The following CEP112 variants were observed in gnomAD, a reference collection of about 807,000 sequenced individuals.
The protein encoded by CEP112 is centrosomal protein 112.
In CEP112, 127 loss-of-function variants were observed where a neutral mutation model predicts 153.0. The ratio of observed to expected loss-of-function variants is 0.83; its 90% CI spans 0.72 to 0.96. The LOEUF (loss-of-function observed/expected upper bound fraction) is 0.96. Among genes scored for constraint, CEP112 ranks in the 40% least tolerant of loss-of-function variants. The probability of loss-of-function intolerance (pLI) is 0.00; values close to 1 mark genes in which losing one functional copy is unlikely to be tolerated. For synonymous variants in CEP112, 358 were observed against 374.4 expected (o/e 0.96, Z 0.51); for missense variants, 1,089 against 1,101.2 (o/e 0.99, Z 0.16).
At position 65,741,122 on chromosome 17, in the gene CEP112, T is replaced by C. The variant is rs189655183; in HGVS notation, c.2607+1946A>G. Among the ~76,000 whole-genome samples, 6 of 152,234 alleles carry C rather than the reference T, an allele frequency of 3.9e-5. No individual in the cohort carries two copies. In the South Asian group the frequency reaches 6.2e-4, roughly 16 times the overall value. ...CTCATAGTCACAGTTTCCCCATTTG[T>C]AATATGGGGATGACAGAAATACCTT... On this transcript the variant is annotated intron_variant, in intron 23 of 26. Coordinates refer to ENST00000535342, the MANE Select transcript of CEP112 (RefSeq NM_001199165.4).
intron 24 of CEP112, among the ~76,000 whole-genome samples, chr17:65,670,661 A>T (rs975611847): frequency 6.6e-6 from 1 of 152,198 alleles, no homozygotes; most frequent in African/African-American, 2.4e-5. Flanking sequence ...TTACATATTA[A>T]TTTTCACATA....
At chr17:66,031,689 T>A in intron 12 of CEP112, among the ~76,000 whole-genome samples, 1 of 151,988 alleles carries the variant, frequency 6.6e-6, no homozygotes, top group Admixed American at 6.6e-5. Context: ...TTCAAACCCC[T>A]GGCCTCATGC....
intron 17 of CEP112, among the ~76,000 whole-genome samples, chr17:65,964,176 A>G (rs1422951037): frequency 6.6e-6 from 1 of 152,206 alleles, no homozygotes; most frequent in Admixed American, 6.5e-5. Flanking sequence ...GTTGTTCACC[A>G]TGTTTCTTAC....
intron 4 of CEP112, among the ~76,000 whole-genome samples, chr17:66,135,226 A>G (rs1415778325): frequency 6.6e-6 from 1 of 152,226 alleles, no homozygotes; most frequent in Non-Finnish European, 1.5e-5. Context: ...ATTTGAGCCA[A>G]CTGAAGGAGA....
intron 24 of CEP112, among the ~76,000 whole-genome samples, chr17:65,673,634 T>G (rs1054390398): frequency 6.6e-6 from 1 of 151,910 alleles, no homozygotes; most frequent in African/African-American, 2.4e-5. Flanking sequence ...GATTAAAGAG[T>G]TAAATGTATG....
intron 15 of CEP112, 34 bp downstream of exon 15, chr17:66,028,279 C>G: frequency 7.9e-7 from 1 of 1,272,364 alleles, no homozygotes; most frequent in Non-Finnish European, 1.1e-6. Flanking sequence ...CTGTGTTTGA[C>G]CATTGTTCTT....
chr17:65,728,633 C>T (rs1167011283), intron 23 of CEP112, among the ~76,000 whole-genome samples: 1 of 152,218 alleles, frequency 6.6e-6, no homozygotes, highest in East Asian at 1.9e-4. Flanking sequence ...GCCTATAGTA[C>T]AGCATGTTAC....
In CEP112 at chr17:65,689,247, T is replaced by C. The variant is rs551796724; in HGVS notation, c.2608-29A>G. ...AAACGGTATAAAATAAAGATATCATTAATAATTAGCACACTTGGAAAAATA... is the reference window on the plus strand; with the variant it reads ...AAACGGTATAAAATAAAGATATCATCAATAATTAGCACACTTGGAAAAATA... On this transcript the variant is annotated intron_variant, in intron 23 of 26. Transcript: ENST00000535342. 2.7e-6 allele frequency: 4 copies of C among 1,498,578 alleles called. No homozygotes were observed. In the African/African-American group the frequency reaches 5.5e-5, roughly 21 times the overall value. 92.8% of individuals were successfully genotyped at this position (1,498,578 alleles called of 1,614,324 possible). A position where few individuals can be genotyped will look rare whatever the true frequency, so the allele number is the denominator to read the frequency against.
chr17:65,816,089 T>C (rs1376261517), intron 21 of CEP112, among the ~76,000 whole-genome samples: 1 of 152,084 alleles, frequency 6.6e-6, no homozygotes, highest in Non-Finnish European at 1.5e-5. Flanking sequence ...TGGTCTGTCA[T>C]CATTAAGTAT....
intron 19 of CEP112, among the ~76,000 whole-genome samples, chr17:65,902,908 G>A (rs552050434): frequency 6.6e-6 from 1 of 152,156 alleles, no homozygotes; most frequent in Non-Finnish European, 1.5e-5. Context: ...CTGCAAGCTT[G>A]CGCCATGATT....
At chr17:65,862,157 T>C (rs1467954083) in intron 20 of CEP112, among the ~76,000 whole-genome samples, 1 of 152,160 alleles carries the variant, frequency 6.6e-6, no homozygotes, top group Admixed American at 6.5e-5. Context: ...AGAGAATATA[T>C]ATATGTACAA....
At chr17:65,915,787 CA>C (rs755351021) in intron 19 of CEP112, among the ~76,000 whole-genome samples, 1,372 of 56,588 alleles carry the variant, frequency 0.024, 17 homozygotes, top group African/African-American at 0.078. Flanking sequence ...GACTCAAACT[CA>C]AAAAAAAAAA....
chr17:65,946,652 C>T (rs1027871955), intron 18 of CEP112, among the ~76,000 whole-genome samples: 1 of 152,198 alleles, frequency 6.6e-6, no homozygotes, highest in African/African-American at 2.4e-5. Context: ...ATTTCATGTA[C>T]ATCTTGAAAT....
intron 16 of CEP112, among the ~76,000 whole-genome samples, chr17:66,016,056 T>C (rs2064758860): frequency 6.6e-6 from 1 of 152,236 alleles, no homozygotes; most frequent in Non-Finnish European, 1.5e-5. Context: ...ATTGTACTTT[T>C]GGTTTCCTTA....
At chr17:65,752,006 T>C (rs530739525) in intron 21 of CEP112, among the ~76,000 whole-genome samples, 10 of 127,176 alleles carry the variant, frequency 7.9e-5, no homozygotes, top group African/African-American at 2.9e-4. Flanking sequence ...ATCTATCTAC[T>C]GTTCCTTTCA....
At position 66,096,251 on chromosome 17, in the gene CEP112, C is replaced by G; in HGVS notation, c.768G>C (p.Glu256Asp). 6.2e-7 allele frequency: 1 copy of G among 1,603,992 alleles called. No homozygotes were observed. Among genetic ancestry groups the G allele is most frequent in the Non-Finnish European group, 8.5e-7 (1 of 1,172,170 alleles). The change falls in exon 8 of 27, where the codon GAG (glutamate) becomes GAC (aspartate). Residue 256 changes from glutamate (E) to aspartate (D), a missense_variant and splice_region_variant. Coordinates refer to ENST00000535342, the MANE Select transcript of CEP112 (RefSeq NM_001199165.4). Reference protein sequence around the residue: ...DHFLSRIREKELDMKTKMMEA... With the variant: ...DHFLSRIREKDLDMKTKMMEA... ...TTTATCAGCAATATCTCATTCCTAC[C>G]TCTTTCTCACGTATTCGAGAGAGAA...
In CEP112 at chr17:66,164,916, GTGTGTA is replaced by G. The variant is rs753021124; in HGVS notation, c.470+10122_470+10127del. On this transcript the variant is annotated intron_variant, in intron 4 of 26. Coordinates refer to ENST00000535342, the MANE Select transcript of CEP112 (RefSeq NM_001199165.4). ...TGTGTGTGTGTGTGTGTGTGTGTGT[GTGTGTA>G]TATTTATTTATAAACAGTTTCTTTT... is the stretch of plus-strand genomic sequence containing the variant. 8.1e-3 allele frequency among the ~76,000 whole-genome samples: 1,155 copies of G among 142,988 alleles called. 6 individuals are homozygous for G. Among genetic ancestry groups the G allele is most frequent in the Non-Finnish European group, 0.013 (822 of 64,660 alleles). The allele number at this position is 142,988 out of a possible 152,430, so 93.8% of individuals were successfully genotyped here. A position where few individuals can be genotyped will look rare whatever the true frequency, so the allele number is the denominator to read the frequency against.
chr17:65,812,745 C>T (rs1159870184), intron 21 of CEP112, among the ~76,000 whole-genome samples: 3 of 152,176 alleles, frequency 2.0e-5, no homozygotes, highest in African/African-American at 7.2e-5. Context: ...AATGATAAGG[C>T]AATCTGGCAG....
At chr17:65,665,649 T>C (rs1300481982) in intron 24 of CEP112, among the ~76,000 whole-genome samples, 2 of 152,282 alleles carry the variant, frequency 1.3e-5, no homozygotes, top group East Asian at 3.9e-4. Context: ...AGTTAAAAAA[T>C]GGAGAGAGAA....
Sources: allele counts gnomAD v4.1 joint callset (sites outside exome capture counted in the v4.1 genomes callset), GRCh38; gene constraint gnomAD v4.1.1; transcripts MANE v1.5; gene names NCBI Gene and HGNC (gene_info 2026-07-23, HGNC 2026-07-21).